The following NHS variants were observed in gnomAD, a reference collection of about 807,000 sequenced individuals.
The protein encoded by NHS is NHS actin remodeling regulator, also known as actin remodeling regulator NHS.
In NHS, 5 loss-of-function variants were observed where a neutral mutation model predicts 72.5. That is an observed-to-expected ratio of 0.07 (90% CI 0.04 to 0.14). The LOEUF (loss-of-function observed/expected upper bound fraction) is 0.14, where lower values mean the gene tolerates loss of function less well. Ranked by LOEUF, NHS falls within the 10% of genes least tolerant of loss-of-function variation. The pLI, the probability that NHS is intolerant of heterozygous loss-of-function variation, is 1.00. For synonymous variants in NHS, 464 were observed against 547.7 expected (o/e 0.85, Z 2.13); for missense variants, 1,072 against 1,355.7 (o/e 0.79, Z 3.29).
intron 1 of NHS, among the ~76,000 whole-genome samples, chrX:17,485,857 T>G (rs1234287395): frequency 8.9e-6 from 1 of 111,835 alleles, no homozygotes; most frequent in African/African-American, 3.3e-5. Context: ...TAGAGCTTTC[T>G]ATAGGGCTGA....
intron 1 of NHS, among the ~76,000 whole-genome samples, chrX:17,565,059 G>A (rs938168865): frequency 9.7e-6 from 1 of 102,980 alleles, no homozygotes; most frequent in Non-Finnish European, 1.9e-5. Flanking sequence ...GGCTGACTTT[G>A]TGACTTGCTT....
At chrX:17,492,415 T>C (rs1473857445) in intron 1 of NHS, among the ~76,000 whole-genome samples, 1 of 112,147 alleles carries the variant, frequency 8.9e-6, no homozygotes, top group Non-Finnish European at 1.9e-5. Flanking sequence ...CAGGAGCAGG[T>C]TGTTCAGTTT....
At chrX:17,564,676 G>A (rs979759175) in intron 1 of NHS, among the ~76,000 whole-genome samples, 2 of 112,377 alleles carry the variant, frequency 1.8e-5, no homozygotes, top group African/African-American at 6.5e-5. Context: ...AATGTGTTAG[G>A]TTAGAGCATG....
chrX:17,607,924 T>C (rs1172371264), intron 1 of NHS, among the ~76,000 whole-genome samples: 2 of 102,661 alleles, frequency 1.9e-5, no homozygotes, highest in East Asian at 3.0e-4. Flanking sequence ...CTTTTCTTTT[T>C]TTTTTTTTTT....
intron 1 of NHS, among the ~76,000 whole-genome samples, chrX:17,456,261 A>C (rs748584407): frequency 1.8e-5 from 2 of 112,039 alleles, no homozygotes; most frequent in South Asian, 7.5e-4. Flanking sequence ...TCTTATGCCA[A>C]ATTATAAAAT....
At chrX:17,381,999 T>A (rs1234412967) in intron 1 of NHS, among the ~76,000 whole-genome samples, 2 of 112,676 alleles carry the variant, frequency 1.8e-5, no homozygotes, top group African/African-American at 6.4e-5. Flanking sequence ...GATTTGCATT[T>A]CTCTAATGGC....
chrX:17,406,749 A>G (rs987608843), intron 1 of NHS, among the ~76,000 whole-genome samples: 3 of 112,320 alleles, frequency 2.7e-5, no homozygotes, highest in Non-Finnish European at 3.8e-5. Context: ...AACCTTACTC[A>G]GACAGAAAGC....
rs1335212516 is a variant in NHS at position 17,726,075 on chromosome X, C to T, written c.1969C>T (p.Leu657Phe). The T allele has an allele frequency of 8.3e-7, 1 of 1,212,106 alleles. No individual in the cohort carries two copies. Among genetic ancestry groups the T allele is most frequent in the African/African-American group, 1.7e-5 (1 of 57,862 alleles). The change falls in exon 7 of 9, where the codon CTC (leucine) becomes TTC (phenylalanine). Residue 657 changes from leucine to phenylalanine, a missense_variant. Physicochemically the swap from Leu to Phe is conservative, Grantham distance 22. Transcript: ENST00000676302. ...CATCCCTCCTGCAGCTTCTCCTCCA[C>T]TCACTGGCTCTTCACACTGTGACTC... The part of the protein sequence containing the change: ...ETIPPAASPP[L>F]TGSSHCDSEL...
chrX:17,652,491 A>C (rs2065935175), intron 1 of NHS, among the ~76,000 whole-genome samples: 1 of 112,419 alleles, frequency 8.9e-6, no homozygotes, highest in Admixed American at 9.4e-5. Context: ...AGCTAGGCAC[A>C]GAAAGACAAA....
chrX:17,632,646 G>A (rs2065826534), intron 1 of NHS, among the ~76,000 whole-genome samples: 1 of 111,014 alleles, frequency 9.0e-6, no homozygotes, highest in African/African-American at 3.3e-5. Context: ...TAATAGTTCT[G>A]TGACCTTGGT....
At chrX:17,409,242 C>T (rs1400185627) in intron 1 of NHS, among the ~76,000 whole-genome samples, 2 of 112,265 alleles carry the variant, frequency 1.8e-5, no homozygotes, top group Non-Finnish European at 3.8e-5. Flanking sequence ...AAACATGGTA[C>T]TAGACTATTC....
chrX:17,416,425 G>A (rs1370277008), intron 1 of NHS, among the ~76,000 whole-genome samples: 1 of 111,576 alleles, frequency 9.0e-6, no homozygotes, highest in Admixed American at 9.5e-5. Context: ...ATGTGCTGTT[G>A]CTCCTGCTGC....
intron 1 of NHS, among the ~76,000 whole-genome samples, chrX:17,434,415 A>G (rs1290164493): frequency 9.2e-6 from 1 of 108,448 alleles, no homozygotes; most frequent in Non-Finnish European, 1.9e-5. Context: ...TGCTGAAGAC[A>G]CCAAGCACAT....
chrX:17,640,456 T>G (rs2065875382), intron 1 of NHS, among the ~76,000 whole-genome samples: 1 of 112,023 alleles, frequency 8.9e-6, no homozygotes, highest in African/African-American at 3.2e-5. Context: ...CATTCACAAC[T>G]GAAACACAGA....
In NHS at chrX:17,375,926, C is replaced by T. The variant is rs2064343435; in HGVS notation, c.169C>T (p.Pro57Ser). 1.8e-6 allele frequency: 2 copies of T among 1,088,582 alleles called. No homozygotes were observed. The highest frequency in any genetic ancestry group is 2.4e-6 in the Non-Finnish European group (2 of 842,301). 89.7% of individuals were successfully genotyped at this position (1,088,582 alleles called of 1,213,427 possible). Reference sequence around the variant, plus strand: ...GGTCGAGGCGCCAGGGCCAGAGGAGCCAGCCCGCGCCGTCCCTGCACCTTC... The same window carrying T: ...GGTCGAGGCGCCAGGGCCAGAGGAGTCAGCCCGCGCCGTCCCTGCACCTTC... ...DEVEAPGPEE[P>S]ARAVPAPSGL... Residue 57 changes from proline to serine, a missense_variant, in exon 1 of 9, where the codon CCA becomes TCA. Physicochemically the swap from Pro to Ser is moderately conservative, Grantham distance 74. Coordinates refer to ENST00000676302, the MANE Select transcript of NHS (RefSeq NM_001291867.2).
Position 17,714,149 on chromosome X carries a change from CT to C in NHS, c.853-5181del, listed in dbSNP as rs745730534. 9.6e-3 allele frequency among the ~76,000 whole-genome samples: 941 copies of C among 98,274 alleles called. 8 individuals are homozygous for C. The highest frequency in any genetic ancestry group is 0.027 in the African/African-American group (738 of 27,249). 85.3% of individuals were successfully genotyped at this position (98,274 alleles called of 115,157 possible). ...TCTGGAAAAGGAGGAGGAAATTACTCTTTTTTTTTTTTTTGTATTTTTCTTC... is the reference window on the plus strand; with the variant it reads ...TCTGGAAAAGGAGGAGGAAATTACTCTTTTTTTTTTTTTGTATTTTTCTTC... On this transcript the variant is annotated intron_variant, in intron 3 of 8. Transcript: ENST00000676302.
intron 1 of NHS, among the ~76,000 whole-genome samples, chrX:17,525,134 T>G (rs967920923): frequency 2.7e-5 from 3 of 112,207 alleles, no homozygotes; most frequent in African/African-American, 9.7e-5. Context: ...AAATACTTAT[T>G]TTTTACTAGA....
intron 1 of NHS, among the ~76,000 whole-genome samples, chrX:17,603,067 G>A (rs964334161): frequency 9.1e-6 from 1 of 109,948 alleles, no homozygotes; most frequent in African/African-American, 3.3e-5. Context: ...GCTAGTTTCC[G>A]ACTCCCAGTC....
At chrX:17,690,716 T>C (rs1251955525) in intron 2 of NHS, among the ~76,000 whole-genome samples, 1 of 111,529 alleles carries the variant, frequency 9.0e-6, no homozygotes, top group Non-Finnish European at 1.9e-5. Context: ...TAAGAAGAAA[T>C]GTACCAAGTC....
Sources: gnomAD v4.1 joint callset for allele counts (sites outside exome capture counted in the v4.1 genomes callset) on GRCh38, gnomAD v4.1.1 for gene constraint, MANE v1.5 for transcripts, NCBI Gene and HGNC (gene_info 2026-07-23, HGNC 2026-07-21) for gene names.